Variants in CTNNA2 observed in about 807,000 individuals in gnomAD.
CTNNA2 encodes the protein catenin alpha 2.
A neutral mutation model predicts 101.0 loss-of-function variants in CTNNA2; 42 were observed. The ratio of observed to expected loss-of-function variants is 0.42; its 90% confidence interval spans 0.32 to 0.54. CTNNA2 has a LOEUF of 0.54. Among genes scored for constraint, CTNNA2 ranks in the 20% least tolerant of loss-of-function variants. The probability of loss-of-function intolerance (pLI) is 0.14; values close to 1 mark genes in which losing one functional copy is unlikely to be tolerated. For synonymous variants in CTNNA2, 450 were observed against 456.4 expected (o/e 0.99, Z 0.18); for missense variants, 871 against 1,223.1 (o/e 0.71, Z 4.29).
Position 80,208,708 on chromosome 2 carries a change from A to G in CTNNA2, c.1057-184503A>G, listed in dbSNP as rs574766297. On this transcript the variant is annotated intron_variant, in intron 7 of 18. Transcript: ENST00000402739. The stretch of plus-strand genomic sequence containing the variant: ...TAGCTATATGATTTGTTCTTCATAT[A>G]ATCGTGGGCAGTATCTCTAAAATAT... Among the ~76,000 whole-genome samples the G allele has an allele frequency of 2.6e-5, 4 of 152,330 alleles. No homozygotes were observed. In the South Asian group the frequency reaches 6.2e-4, roughly 24 times the overall value.
rs992503944 is a variant in CTNNA2 at position 80,337,513 on chromosome 2, T to C, written c.1057-55698T>C. On this transcript the variant is annotated intron_variant, in intron 7 of 18. Coordinates refer to ENST00000402739, the MANE Select transcript of CTNNA2 (RefSeq NM_001282597.3). Reference sequence around the variant, plus strand: ...TCCTATGGAAACTAATCAGAAAAGCTAGAGCAGTTTTGAGAGGCAGATGCA... The same window carrying C: ...TCCTATGGAAACTAATCAGAAAAGCCAGAGCAGTTTTGAGAGGCAGATGCA... Among the ~76,000 whole-genome samples the C allele has an allele frequency of 1.2e-4, 15 of 128,012 alleles. No individual in the cohort carries two copies. In the Middle Eastern group the frequency reaches 0.011, roughly 98 times the overall value. The allele number at this position is 128,012 out of a possible 152,430, so 84.0% of individuals were successfully genotyped here. A position where few individuals can be genotyped will look rare whatever the true frequency, so the allele number is the denominator to read the frequency against.
chr2:80,125,789 A>G (rs527678973), intron 7 of CTNNA2, among the ~76,000 whole-genome samples: 54 of 152,288 alleles, frequency 3.5e-4, no homozygotes, highest in Non-Finnish European at 2.8e-4. Flanking sequence ...TTGTGGCACC[A>G]TCCCTAATCT....
chr2:79,220,424 A>C (rs1674327361), intron 2 of CTNNA2, among the ~76,000 whole-genome samples: 1 of 152,128 alleles, frequency 6.6e-6, no homozygotes, highest in South Asian at 2.1e-4. Context: ...TCCCAGAAGT[A>C]GACTTTCTAC....
intron 2 of CTNNA2, among the ~76,000 whole-genome samples, chr2:79,721,133 G>T (rs1357248891): frequency 6.6e-6 from 1 of 151,630 alleles, no homozygotes; most frequent in African/African-American, 2.4e-5. Context: ...CATGTAGTTT[G>T]CAGTTTGGTA....
chr2:79,219,775 A>T (rs1533896), intron 2 of CTNNA2, among the ~76,000 whole-genome samples: 9,368 of 152,302 alleles, frequency 0.062, 378 homozygotes, highest in East Asian at 0.16. Flanking sequence ...TTTGCAGAGG[A>T]GAAACAGTGA....
intron 7 of CTNNA2, among the ~76,000 whole-genome samples, chr2:80,272,110 A>G (rs1339309727): frequency 6.6e-6 from 1 of 152,242 alleles, no homozygotes; most frequent in African/African-American, 2.4e-5. Flanking sequence ...TTACTGCAAT[A>G]CATCATTTTA....
rs868130022 is a variant in CTNNA2, at chr2:79,650,183, G to T, written c.-5-1369G>T. ...GAATGTATACTTTTTCGGGGGGGGG[G>T]GGGGAGGGGCTAGAACTGTAATTTT... On this transcript the variant is annotated intron_variant, in intron 1 of 18. Transcript: ENST00000402739. Among the ~76,000 whole-genome samples the T allele has an allele frequency of 8.2e-3, 1,095 of 134,324 alleles. 29 individuals are homozygous for T. Among genetic ancestry groups the T allele is most frequent in the African/African-American group, 0.026 (997 of 38,308 alleles). The allele number at this position is 134,324 out of a possible 152,430, so 88.1% of individuals were successfully genotyped here. A position where few individuals can be genotyped will look rare whatever the true frequency, so the allele number is the denominator to read the frequency against.
At chr2:80,385,248 T>C (rs1676891720) in intron 7 of CTNNA2, among the ~76,000 whole-genome samples, 2 of 152,084 alleles carry the variant, frequency 1.3e-5, no homozygotes, top group Admixed American at 1.3e-4. Context: ...AAAGTGGAGG[T>C]CTCCTGAATG....
chr2:79,923,667 A>T (rs1187707215), intron 7 of CTNNA2, among the ~76,000 whole-genome samples: 1 of 152,134 alleles, frequency 6.6e-6, no homozygotes, highest in Non-Finnish European at 1.5e-5. Flanking sequence ...TAACTATTTC[A>T]TGCTGTGAAA....
At chr2:79,644,996 T>G (rs1313844018) in intron 1 of CTNNA2, among the ~76,000 whole-genome samples, 2 of 152,192 alleles carry the variant, frequency 1.3e-5, no homozygotes, top group African/African-American at 4.8e-5. Context: ...TTTTGTTTTT[T>G]TTTTGAGATG....
chr2:80,548,257 C>T (rs1459787814), intron 11 of CTNNA2, among the ~76,000 whole-genome samples: 3 of 152,118 alleles, frequency 2.0e-5, no homozygotes, highest in Admixed American at 6.6e-5. Flanking sequence ...ATCCTGACAG[C>T]CCCTGGAAAT....
At chr2:80,578,508 A>G (rs1695256887) in intron 13 of CTNNA2, among the ~76,000 whole-genome samples, 1 of 152,200 alleles carries the variant, frequency 6.6e-6, no homozygotes, top group Admixed American at 6.5e-5. Context: ...ATAGTTTTAA[A>G]AATGTGTAAT....
At chr2:80,133,898 T>G (rs990975664) in intron 7 of CTNNA2, among the ~76,000 whole-genome samples, 2 of 152,152 alleles carry the variant, frequency 1.3e-5, no homozygotes, top group African/African-American at 2.4e-5. Flanking sequence ...ATTGTGATAG[T>G]TGAGAAAGTT....
intron 4 of CTNNA2, among the ~76,000 whole-genome samples, chr2:79,411,483 G>C (rs1377308405): frequency 6.6e-6 from 1 of 151,960 alleles, no homozygotes; most frequent in African/African-American, 2.4e-5. Context: ...AAATGTTAAG[G>C]GCAGCCAGAG....
At chr2:80,115,657 G>A (rs1050153225) in intron 7 of CTNNA2, among the ~76,000 whole-genome samples, 10 of 152,186 alleles carry the variant, frequency 6.6e-5, no homozygotes, top group African/African-American at 2.2e-4. Context: ...TTGGGACAGA[G>A]GGAGGGCATA....
intron 3 of CTNNA2, among the ~76,000 whole-genome samples, chr2:79,767,176 C>G (rs1673227310): frequency 6.6e-6 from 1 of 151,958 alleles, no homozygotes; most frequent in Non-Finnish European, 1.5e-5. Context: ...TTTTGGCTCC[C>G]TAATTACTTC....
At chr2:80,253,013 G>C (rs149530) in intron 7 of CTNNA2, among the ~76,000 whole-genome samples, 82,065 of 151,318 alleles carry the variant, frequency 0.54, 22,889 homozygotes, top group Non-Finnish European at 0.63. Context: ...ATGTAGATCT[G>C]TTTTCCCCCT....
intron 9 of CTNNA2, among the ~76,000 whole-genome samples, chr2:80,455,268 G>A (rs910929401): frequency 1.5e-4 from 23 of 152,284 alleles, no homozygotes; most frequent in Admixed American, 7.2e-4. Context: ...TAAGTCTGGC[G>A]TAGAGCCACT....
At chr2:80,637,595 C>T (rs1673017115) in intron 18 of CTNNA2, among the ~76,000 whole-genome samples, 1 of 152,150 alleles carries the variant, frequency 6.6e-6, no homozygotes, top group South Asian at 2.1e-4. Context: ...TCTCTGCTCT[C>T]TCCTCATCCT....
Sources: gnomAD v4.1 joint callset for allele counts (sites outside exome capture counted in the v4.1 genomes callset) on GRCh38, gnomAD v4.1.1 for gene constraint, MANE v1.5 for transcripts, NCBI Gene and HGNC (gene_info 2026-07-23, HGNC 2026-07-21) for gene names.